Variants in DST observed in about 807,000 individuals in gnomAD.
DST encodes the protein bullous pemphigoid antigen.
Under a neutral mutation model 875.2 loss-of-function variants are expected in DST, and 253 were observed. The ratio of observed to expected loss-of-function variants is 0.29; its 90% CI spans 0.26 to 0.32. The LOEUF (loss-of-function observed/expected upper bound fraction) is 0.32. DST is among the 10% of genes least tolerant of loss of function. The pLI, the probability that DST is intolerant of heterozygous loss-of-function variation, is 1.00. For missense variants in DST, 8,287 were observed against 9,111.6 expected (o/e 0.91, Z 3.68); for synonymous variants, 3,124 against 3,197.1 (o/e 0.98, Z 0.77).
chr6:56,615,364 T>C (rs751282145), intron 36 of DST: 28 of 1,495,592 alleles, frequency 1.9e-5, no homozygotes, highest in Non-Finnish European at 2.5e-5. Context: ...TAAAACTTAC[T>C]CTATTTTGAG....
At chr6:56,826,823 TG>T (rs887254374) in intron 4 of DST, among the ~76,000 whole-genome samples, 51 of 152,342 alleles carry the variant, frequency 3.3e-4, no homozygotes, top group African/African-American at 1.2e-3. Context: ...GGAAAGATTC[TG>T]AAATACTGCT....
At chr6:56,763,541 A>C (rs1002687057) in intron 4 of DST, among the ~76,000 whole-genome samples, 1 of 151,958 alleles carries the variant, frequency 6.6e-6, no homozygotes, top group Non-Finnish European at 1.5e-5. Flanking sequence ...GCATGGTGGC[A>C]CGCACCTGTA....
In DST at chr6:56,634,234, G is replaced by A; in HGVS notation, c.3519C>T (p.Val1173=). The A allele has an allele frequency of 6.2e-7, 1 of 1,613,758 alleles. No homozygotes were observed. Among genetic ancestry groups the A allele is most frequent in the Non-Finnish European group, 8.5e-7 (1 of 1,179,952 alleles). Residue 1173 remains valine, a synonymous_variant, in exon 27 of 104, where the codon GTC becomes GTT. Coordinates refer to ENST00000680361, the MANE Select transcript of DST (RefSeq NM_001374736.1). ...ANRIEQQYQN[V]LTLWHESHIN... ...TGTGAGACTCATGCCAAAGAGTCAG[G>A]ACATTCTGATACTGTTGCTCAATTC...
At chr6:56,780,373 C>T (rs2099690573) in intron 4 of DST, among the ~76,000 whole-genome samples, 1 of 151,676 alleles carries the variant, frequency 6.6e-6, no homozygotes, top group Non-Finnish European at 1.5e-5. Context: ...TTCTCCACAT[C>T]CTCTCCAGCA....
Position 56,470,010 on chromosome 6 carries a change from A to G in DST, c.22477-53T>C. ...CTTTAATGTCAATATTACATAGTAC[A>G]ATCCTTAAAACTTTGACACAACAAT... On this transcript the variant is annotated intron_variant, in intron 96 of 103. Coordinates refer to ENST00000680361, the MANE Select transcript of DST (RefSeq NM_001374736.1). 5 of 1,605,344 alleles carry G rather than the reference A, an allele frequency of 3.1e-6. No homozygotes were observed. In the South Asian group the frequency reaches 5.5e-5, roughly 18 times the overall value.
Position 56,489,505 on chromosome 6 carries a change from T to C in DST, c.20862A>G (p.Gln6954=), listed in dbSNP as rs2095668614. 1 of 1,612,476 alleles carries C rather than the reference T, an allele frequency of 6.2e-7. No homozygotes were observed. Among genetic ancestry groups the C allele is most frequent in the South Asian group, 1.1e-5 (1 of 90,866 alleles). The stretch of plus-strand genomic sequence containing the variant: ...ATGGACCCACCTTATGTTGTGCAAG[T>C]TGTGTTTTTATTTTGTCTGGATCAT... ...IANDPDKIKT[Q]LAQHKEFQKS... is the part of the protein sequence containing the mutation. The change falls in exon 86 of 104, where the codon CAA becomes CAG. Residue 6954 remains glutamine (Q), a synonymous_variant. Coordinates refer to ENST00000680361, the MANE Select transcript of DST (RefSeq NM_001374736.1).
At chr6:56,653,100 C>G (rs1304487407) in intron 10 of DST, among the ~76,000 whole-genome samples, 2 of 152,286 alleles carry the variant, frequency 1.3e-5, no homozygotes, top group Non-Finnish European at 2.9e-5. Context: ...ATTATGAGAA[C>G]CCTGCCATTA....
intron 4 of DST, among the ~76,000 whole-genome samples, chr6:56,780,649 G>A (rs1381003412): frequency 6.6e-6 from 1 of 151,716 alleles, no homozygotes; most frequent in South Asian, 2.1e-4. Flanking sequence ...TGAGTAGGTT[G>A]CAAAAATTTT....
intron 47 of DST, among the ~76,000 whole-genome samples, chr6:56,597,073 C>T (rs2098397903): frequency 6.6e-6 from 1 of 151,930 alleles, no homozygotes; most frequent in Non-Finnish European, 1.5e-5. Context: ...GACCTCATCA[C>T]TACAAAAAAT....
chr6:56,489,838 T>A (rs754196744), intron 85 of DST, among the ~76,000 whole-genome samples: 1 of 152,192 alleles, frequency 6.6e-6, no homozygotes, highest in Non-Finnish European at 1.5e-5. Context: ...TTTTAATTCA[T>A]TCAACATATC....
At chr6:56,919,353 T>C (rs1592488000) in intron 2 of DST, among the ~76,000 whole-genome samples, 2 of 152,318 alleles carry the variant, frequency 1.3e-5, no homozygotes, top group African/African-American at 2.4e-5. Context: ...ATTAATCATA[T>C]GTACATTTTA....
Position 56,536,844 on chromosome 6 carries a change from T to C in DST, c.16705A>G (p.Ser5569Gly). The change falls in exon 62 of 104, where the codon AGC becomes GGC. Residue 5569 changes from serine (S) to glycine (G), a missense_variant. Ser to Gly is a moderately conservative substitution (Grantham distance 56). Around this residue, in one of 10 missense-constraint regions of DST, gnomAD observed 777 missense variants for 764.8 expected, o/e 1.02. Transcript: ENST00000680361. ...AGGTCATGCTCCAAGCCCTGAGTGC[T>C]AGTGCTTTTGGCAGCACTCTGAATA... ...GLIQSAAKSTSTQGLEHDLDD... is the reference protein window; with the variant it reads ...GLIQSAAKSTGTQGLEHDLDD... 3 of 1,613,314 alleles carry C rather than the reference T, an allele frequency of 1.9e-6. No homozygotes were observed. Among genetic ancestry groups the C allele is most frequent in the Non-Finnish European group, 2.5e-6 (3 of 1,179,496 alleles).
At chr6:56,843,464 C>A in intron 4 of DST, 1 of 1,002,102 alleles carries the variant, frequency 1.0e-6, no homozygotes, top group Non-Finnish European at 1.2e-6. Context: ...CCACGCCAAG[C>A]GGAGGAGCGG....
chr6:56,637,479 A>C (rs116657268), intron 22 of DST, among the ~76,000 whole-genome samples: 1,892 of 152,212 alleles, frequency 0.012, 30 homozygotes, highest in African/African-American at 0.043. Flanking sequence ...ATACCTTCTA[A>C]CACAGAAATA....
rs780161827 is a variant in DST, at chr6:56,639,709, T to A, written c.2684A>T (p.Tyr895Phe). 3.1e-6 allele frequency: 5 copies of A among 1,613,680 alleles called. No homozygotes were observed. In the Admixed American group the frequency reaches 8.3e-5, roughly 27 times the overall value. ...AEKLHRLESQ[Y>F]AKLLNTSRNQ... The stretch of plus-strand genomic sequence containing the variant: ...AAAAAAACTTACCAAGAGTTTTGCA[T>A]ACTGACTCTCTAATCTGTGCAACTT... Residue 895 changes from tyrosine to phenylalanine, a missense_variant, in exon 20 of 104, where the codon TAT (tyrosine) becomes TTT (phenylalanine). Transcript: ENST00000680361.
chr6:56,810,793 A>G (rs1254487371), intron 4 of DST, among the ~76,000 whole-genome samples: 1 of 152,000 alleles, frequency 6.6e-6, no homozygotes, highest in Admixed American at 6.6e-5. Context: ...ACATCATGTC[A>G]TCTTCATTAA....
chr6:56,954,421 C>T lies in DST; in HGVS notation c.167G>A (p.Arg56His), dbSNP rs1037693066. The T allele has an allele frequency of 5.3e-5, 72 of 1,366,810 alleles. No homozygotes were observed. The highest frequency in any genetic ancestry group is 6.8e-5 in the Non-Finnish European group (69 of 1,021,574). 84.7% of individuals were successfully genotyped at this position (1,366,810 alleles called of 1,614,324 possible). Reference sequence around the variant, plus strand: ...GCGTGTCTTACCTCGGCTTCTTGAACGACCCGAGAAGACCGATTTCATCGG... The same window carrying T: ...GCGTGTCTTACCTCGGCTTCTTGAATGACCCGAGAAGACCGATTTCATCGG... ...RHPMKSVFSG[R>H]SRSRDAVLRS... Residue 56 changes from arginine (R) to histidine (H), a missense_variant, in exon 1 of 104, where the codon CGT (arginine) becomes CAT (histidine). Arg to His is a conservative substitution (Grantham distance 29). Transcript: ENST00000680361.
At chr6:56,615,381 G>A (rs1586693045) in intron 36 of DST, 1 of 1,524,704 alleles carries the variant, frequency 6.6e-7, no homozygotes, top group South Asian at 1.2e-5. Context: ...TGAGCACTTA[G>A]CAATTTGCAG....
intron 4 of DST, among the ~76,000 whole-genome samples, chr6:56,845,695 C>T (rs1251823734): frequency 6.6e-6 from 1 of 152,174 alleles, no homozygotes; most frequent in Admixed American, 6.5e-5. Context: ...ATAGGTCTCT[C>T]AAAAATGTCT....
Sources: allele counts gnomAD v4.1 joint callset (sites outside exome capture counted in the v4.1 genomes callset), GRCh38; gene constraint gnomAD v4.1.1; regional missense constraint gnomAD v4.1.1; transcripts MANE v1.5; gene names NCBI Gene and HGNC (gene_info 2026-07-23, HGNC 2026-07-21).